SLC17A9: variants seen among roughly 807,000 people sequenced by gnomAD.
SLC17A9 encodes the protein voltage-gated purine nucleotide uniporter SLC17A9.
Under a neutral mutation model 55.0 loss-of-function variants are expected in SLC17A9, and 49 were observed. The observed-to-expected ratio is 0.89, with a 90% confidence interval of 0.71 to 1.13. The LOEUF (loss-of-function observed/expected upper bound fraction) is 1.13. Ranked by LOEUF, SLC17A9 falls within the 50% of genes most tolerant of loss-of-function variation. The pLI, the probability that SLC17A9 is intolerant of heterozygous loss-of-function variation, is 0.00. For synonymous variants in SLC17A9, 256 were observed against 247.4 expected (o/e 1.03, Z -0.32); for missense variants, 526 against 569.3 (o/e 0.92, Z 0.77).
Position 62,965,569 on chromosome 20 carries a change from C to T in SLC17A9, c.946-41C>T, listed in dbSNP as rs574029259. 179 of 1,572,140 alleles carry T rather than the reference C, an allele frequency of 1.1e-4. 2 individuals carry two copies. Among genetic ancestry groups the T allele is most frequent in the South Asian group, 9.6e-4 (87 of 90,156 alleles). On this transcript the variant is annotated intron_variant, in intron 9 of 12. Transcript: ENST00000370351. ...AGTCAGGAGAGGGCCCTGCTGCAGG[C>T]GGGCTGGGTGCCTCTCCGTCACGGT...
chr20:62,965,377 C>T (rs2065626277), intron 9 of SLC17A9, among the ~76,000 whole-genome samples: 3 of 152,248 alleles, frequency 2.0e-5, no homozygotes, highest in Admixed American at 2.0e-4. Flanking sequence ...CCTCTGGGCC[C>T]AGGCCTGAGC....
At chr20:62,965,067 G>C in intron 8 of SLC17A9, 65 bp from the exon 9 acceptor site, 1 of 1,594,628 alleles carries the variant, frequency 6.3e-7, no homozygotes, top group Non-Finnish European at 8.6e-7. Flanking sequence ...TTCGGGATGG[G>C]ACCCCCTCTG....
chr20:62,957,839 G>A (rs1312415625), intron 3 of SLC17A9, among the ~76,000 whole-genome samples: 1 of 138,734 alleles, frequency 7.2e-6, no homozygotes, highest in Middle Eastern at 3.5e-3. Context: ...CCGCGTGCAT[G>A]CGTGCACCTG....
intron 1 of SLC17A9, chr20:62,953,146 GCAGGGCTATGTTCCC>G: frequency 6.6e-7 from 1 of 1,521,282 alleles, no homozygotes. Context: ...GCTCTTCCAG[GCAGGGCTATGTTCCC>G]CAGGCCAGGG....
chr20:62,954,772 G>A (rs2065521897), intron 1 of SLC17A9, among the ~76,000 whole-genome samples: 1 of 152,248 alleles, frequency 6.6e-6, no homozygotes, highest in Admixed American at 6.5e-5. Context: ...TGCCACGTAG[G>A]GCAGATTGCT....
Position 62,964,299 on chromosome 20 carries a change from T to C in SLC17A9, c.894T>C (p.Asp298=), listed in dbSNP as rs749129855. 38 of 1,614,008 alleles carry C rather than the reference T, an allele frequency of 2.4e-5. No individual in the cohort carries two copies. The highest frequency in any genetic ancestry group is 2.9e-5 in the Non-Finnish European group (34 of 1,179,984). ...PASLFSGFLS[D]HLINQGYRAI... ...GTCTATTCAGCGGGTTTCTCTCTGA[T>C]CATCTCATCAATCAGGGTGAGCCCC... Residue 298 remains aspartate (D), a synonymous_variant, in exon 8 of 13, where the codon GAT becomes GAC. Coordinates refer to ENST00000370351, the MANE Select transcript of SLC17A9 (RefSeq NM_022082.4).
At position 62,965,744 on chromosome 20, in the gene SLC17A9, A is replaced by G. The variant is rs1464984866; in HGVS notation, c.1061+19A>G. 35 of 1,610,732 alleles carry G rather than the reference A, an allele frequency of 2.2e-5. No individual in the cohort carries two copies. Among genetic ancestry groups the G allele is most frequent in the Non-Finnish European group, 3.0e-5 (35 of 1,177,754 alleles). On this transcript the variant is annotated intron_variant, in intron 10 of 12. Coordinates refer to ENST00000370351, the MANE Select transcript of SLC17A9 (RefSeq NM_022082.4). ...ACCACAGGTGAGGGCCGACTGCTCC[A>G]TCCACCAGAGCGCCGTGCTGCCCGC...
chr20:62,960,585 G>A lies in SLC17A9; in HGVS notation c.479G>A (p.Gly160Asp). Residue 160 changes from glycine to aspartate, a missense_variant, in exon 4 of 13, where the codon GGC becomes GAC. Physicochemically the swap from Gly to Asp is moderately conservative, Grantham distance 94 (BLOSUM62 -1). Transcript: ENST00000370351. ...CGAGCCTTCACCTACAGCATCGTGG[G>A]CGCCGGCTCCCAGTTTGGGTAAGTC... ...SERAFTYSIV[G>D]AGSQFGTLLT... 6.2e-7 allele frequency: 1 copy of A among 1,612,892 alleles called. No individual in the cohort carries two copies.
At chr20:62,965,248 A>G in intron 9 of SLC17A9, 82 bp downstream of exon 9, 42 of 1,575,750 alleles carry the variant, frequency 2.7e-5, no homozygotes, top group South Asian at 6.6e-5. Context: ...TGTGTCCCCA[A>G]GTCACCTGAT....
intron 5 of SLC17A9, 78 bp from the exon 6 acceptor site, chr20:62,963,195 C>T (rs752493469): frequency 2.6e-4 from 390 of 1,483,456 alleles, no homozygotes; most frequent in Non-Finnish European, 3.5e-4. Context: ...TGGAACCACC[C>T]CCAAATCCCC....
In SLC17A9 at chr20:62,967,401, C is replaced by G; in HGVS notation, c.1212C>G (p.Phe404Leu). 1 of 1,614,198 alleles carries G rather than the reference C, an allele frequency of 6.2e-7. No homozygotes were observed. The highest frequency in any genetic ancestry group is 8.5e-7 in the Non-Finnish European group (1 of 1,180,032). The change falls in exon 13 of 13, where the codon TTC becomes TTG. Residue 404 changes from phenylalanine (F) to leucine (L), a missense_variant. Transcript: ENST00000370351. The stretch of plus-strand genomic sequence containing the variant: ...CCACGGGCTCCTGGACTTGCCTGTT[C>G]AACCTTGTGGCCATCATCAGCAACC... Reference protein sequence around the residue: ...METTGSWTCLFNLVAIISNLG... With the variant: ...METTGSWTCLLNLVAIISNLG...
At chr20:62,965,943 C>T (rs2065634892) in intron 10 of SLC17A9, among the ~76,000 whole-genome samples, 1 of 152,282 alleles carries the variant, frequency 6.6e-6, no homozygotes, top group Admixed American at 6.5e-5. Context: ...TTTGTGCGAA[C>T]ATGCTTTCCC....
chr20:62,954,990 T>G (rs2065524064), intron 1 of SLC17A9, among the ~76,000 whole-genome samples: 1 of 151,984 alleles, frequency 6.6e-6, no homozygotes, highest in South Asian at 2.1e-4. Context: ...AGACAGAGTC[T>G]CTCTCTGTTG....
rs1160010934 is a variant in SLC17A9, at chr20:62,957,794, TGTGTGC to T, written c.397+221_397+226del. ...CCGCGTGCATGCGTGCACCTGTGTG[TGTGTGC>T]GTGTGCAAGTGTGTGTGTATGGGCA... is the stretch of plus-strand genomic sequence containing the variant. On this transcript the variant is annotated intron_variant, in intron 3 of 12. Coordinates refer to ENST00000370351, the MANE Select transcript of SLC17A9 (RefSeq NM_022082.4). Among the ~76,000 whole-genome samples, 4 of 121,828 alleles carry T rather than the reference TGTGTGC, an allele frequency of 3.3e-5. No homozygotes were observed. The East Asian group carries it at 1.2e-3, about 36-fold the overall frequency. 79.9% of individuals were successfully genotyped at this position (121,828 alleles called of 152,430 possible).
At chr20:62,955,962 A>G (rs969988017) in intron 1 of SLC17A9, among the ~76,000 whole-genome samples, 2 of 152,242 alleles carry the variant, frequency 1.3e-5, no homozygotes, top group African/African-American at 4.8e-5. Context: ...GACAGACAGC[A>G]CTTCCTCCCA....
Position 62,966,722 on chromosome 20 carries a change from G to T in SLC17A9, c.1137G>T (p.Gly379=). Residue 379 remains glycine, a synonymous_variant, in exon 12 of 13, where the codon GGG becomes GGT. Coordinates refer to ENST00000370351, the MANE Select transcript of SLC17A9 (RefSeq NM_022082.4). The stretch of plus-strand genomic sequence containing the variant: ...TCACAGGTGTGGCCAACACAGCCGG[G>T]GCCTTGGCAGGTGAGGGGCGGGCCT... ...GFLFGVANTA[G]ALAGVVGVCL... 1 of 1,611,780 alleles carries T rather than the reference G, an allele frequency of 6.2e-7. No homozygotes were observed. Among genetic ancestry groups the T allele is most frequent in the Non-Finnish European group, 8.5e-7 (1 of 1,179,338 alleles).
At position 62,959,895 on chromosome 20, in the gene SLC17A9, T is replaced by C. The variant is rs73918887; in HGVS notation, c.398-609T>C. Among the ~76,000 whole-genome samples the C allele has an allele frequency of 3.6e-3, 544 of 152,274 alleles. 3 individuals carry two copies. The highest frequency in any genetic ancestry group is 0.012 in the African/African-American group (518 of 41,562). The stretch of plus-strand genomic sequence containing the variant: ...CAGGTCAGGCTCAGAGCCCTCTGGA[T>C]GTGGAGGAGCTGCATGGGGTGGTAA... On this transcript the variant is annotated intron_variant, in intron 3 of 12. Coordinates refer to ENST00000370351, the MANE Select transcript of SLC17A9 (RefSeq NM_022082.4).
chr20:62,967,387 T>A lies in SLC17A9; in HGVS notation c.1198T>A (p.Trp400Arg). ...GGYLMETTGSWTCLFNLVAII... is the reference protein window; with the variant it reads ...GGYLMETTGSRTCLFNLVAII... ...CTACTTGATGGAGACCACGGGCTCC[T>A]GGACTTGCCTGTTCAACCTTGTGGC... is the stretch of plus-strand genomic sequence containing the variant. The change falls in exon 13 of 13, where the codon TGG becomes AGG. Residue 400 changes from tryptophan (W) to arginine (R), a missense_variant. Transcript: ENST00000370351. The A allele has an allele frequency of 6.2e-7, 1 of 1,614,170 alleles. No homozygotes were observed. Among genetic ancestry groups the A allele is most frequent in the Non-Finnish European group, 8.5e-7 (1 of 1,180,028 alleles).
Position 62,952,794 on chromosome 20 carries a change from A to G in SLC17A9, c.-37A>G. 1 of 1,532,280 alleles carries G rather than the reference A, an allele frequency of 6.5e-7. No individual in the cohort carries two copies. 94.9% of individuals were successfully genotyped at this position (1,532,280 alleles called of 1,614,324 possible). A position where few individuals can be genotyped will look rare whatever the true frequency, so the allele number is the denominator to read the frequency against. ...CTGGGCTGGGAGGCAGCCCCGGGAC[A>G]CAGCTGTGCCCACGCCGTCTGAGCA... On this transcript the variant is annotated 5_prime_UTR_variant, in exon 1 of 13. Transcript: ENST00000370351.
Sources: gnomAD v4.1 joint callset for allele counts (sites outside exome capture counted in the v4.1 genomes callset) on GRCh38, gnomAD v4.1.1 for gene constraint, MANE v1.5 for transcripts, NCBI Gene and HGNC (gene_info 2026-07-23, HGNC 2026-07-21) for gene names.